TENM3: variants seen among roughly 807,000 people sequenced by gnomAD.
The protein encoded by TENM3 is teneurin-3.
In TENM3, 63 loss-of-function variants were observed where a neutral mutation model predicts 255.1. The observed-to-expected ratio is 0.25, with a 90% CI of 0.20 to 0.30. The LOEUF (loss-of-function observed/expected upper bound fraction) is 0.30. TENM3 is among the 10% of genes least tolerant of loss of function. The pLI is 1.00. For missense variants in TENM3, 2,929 were observed against 3,461.1 expected (o/e 0.85, Z 3.86); for synonymous variants, 1,306 against 1,322.3 (o/e 0.99, Z 0.27).
chr4:181,830,794 C>A, the TENM3 span, among the ~76,000 whole-genome samples: 2 of 152,258 alleles, frequency 1.3e-5, no homozygotes, highest in East Asian at 3.9e-4. Flanking sequence ...CCTGGAGAGT[C>A]TCCTGTCCAG....
At chr4:182,015,952 A>G in the TENM3 span, among the ~76,000 whole-genome samples, 7 of 152,312 alleles carry the variant, frequency 4.6e-5, no homozygotes, top group East Asian at 1.2e-3. Context: ...TTAAAAGTCT[A>G]TTAACATAAA....
intron 1 of TENM3, among the ~76,000 whole-genome samples, chr4:182,209,115 G>A (rs530366502): frequency 6.1e-4 from 92 of 151,994 alleles, no homozygotes; most frequent in African/African-American, 2.1e-3. Context: ...TTACAGGTGC[G>A]CGGCACCATG....
chr4:181,800,512 A>C, the TENM3 span, among the ~76,000 whole-genome samples: 1 of 152,146 alleles, frequency 6.6e-6, no homozygotes, highest in Non-Finnish European at 1.5e-5. Context: ...AGACACGTGG[A>C]ATCCCAGCTA....
At chr4:181,555,873 C>A in the TENM3 span, among the ~76,000 whole-genome samples, 1 of 152,192 alleles carries the variant, frequency 6.6e-6, no homozygotes, top group South Asian at 2.1e-4. Flanking sequence ...GGTGACCACA[C>A]TTAAATGCAA....
the TENM3 span, among the ~76,000 whole-genome samples, chr4:181,576,711 G>T: frequency 4.0e-5 from 6 of 151,606 alleles, no homozygotes; most frequent in South Asian, 2.1e-4. Flanking sequence ...ACTATTAAGC[G>T]CCTGAGGAAG....
the TENM3 span, among the ~76,000 whole-genome samples, chr4:181,972,067 G>T: frequency 6.6e-6 from 1 of 151,678 alleles, no homozygotes; most frequent in Non-Finnish European, 1.5e-5. Context: ...TGAGATAAAA[G>T]GTATGGGAAA....
chr4:182,692,418 T>C (rs1489589150), intron 12 of TENM3, among the ~76,000 whole-genome samples: 3 of 149,682 alleles, frequency 2.0e-5, no homozygotes, highest in African/African-American at 7.6e-5. Flanking sequence ...GTTGAAGAGG[T>C]TTACCCCAGA....
chr4:181,578,505 C>A, the TENM3 span, among the ~76,000 whole-genome samples: 1 of 152,144 alleles, frequency 6.6e-6, no homozygotes, highest in Non-Finnish European at 1.5e-5. Context: ...CTGCCCGCTG[C>A]GGAGAGGCAC....
the TENM3 span, among the ~76,000 whole-genome samples, chr4:182,041,180 CTGTG>C: frequency 6.6e-6 from 1 of 151,910 alleles, no homozygotes; most frequent in African/African-American, 2.4e-5. Context: ...CTATCTCGTG[CTGTG>C]TGTGTGTCGT....
At chr4:182,084,264 C>T in the TENM3 span, among the ~76,000 whole-genome samples, 3 of 152,092 alleles carry the variant, frequency 2.0e-5, no homozygotes, top group East Asian at 1.9e-4. Flanking sequence ...TGAAAGGTCC[C>T]GTCCAATCCT....
At chr4:181,493,366 C>CA in the TENM3 span, among the ~76,000 whole-genome samples, 1 of 149,616 alleles carries the variant, frequency 6.7e-6, no homozygotes, top group African/African-American at 2.5e-5. Flanking sequence ...TAAGGTAACA[C>CA]AAAAATGATA....
At chr4:182,379,952 T>A (rs1288979943) in intron 3 of TENM3, among the ~76,000 whole-genome samples, 1 of 152,016 alleles carries the variant, frequency 6.6e-6, no homozygotes, top group Non-Finnish European at 1.5e-5. Context: ...GGCTAGCTAT[T>A]TCAACAACAA....
At chr4:181,754,371 G>A in the TENM3 span, among the ~76,000 whole-genome samples, 2,267 of 151,352 alleles carry the variant, frequency 0.015, 66 homozygotes, top group African/African-American at 0.053. Flanking sequence ...ACAATAGGGA[G>A]AAAAAGACAG....
chr4:181,992,265 A>G, the TENM3 span, among the ~76,000 whole-genome samples: 1 of 152,186 alleles, frequency 6.6e-6, no homozygotes, highest in Non-Finnish European at 1.5e-5. Flanking sequence ...ACCCTTTCAA[A>G]CAGCATGTTT....
intron 4 of TENM3, among the ~76,000 whole-genome samples, chr4:182,623,261 T>TC (rs1750471875): frequency 6.6e-6 from 1 of 151,720 alleles, no homozygotes; most frequent in Non-Finnish European, 1.5e-5. Flanking sequence ...GATCCACCTG[T>TC]CCCCGCCTCC....
rs544859891 is a variant in TENM3, at chr4:182,358,034, G to T, written c.511+11105G>T. On this transcript the variant is annotated intron_variant, in intron 3 of 27. Coordinates refer to ENST00000511685, the MANE Select transcript of TENM3 (RefSeq NM_001080477.4). ...TCAAAGATCAGATAGTTGTAGATAT[G>T]CGGCGTTATTTCTGAGGGCTCTGTT... Among the ~76,000 whole-genome samples, 256 of 149,696 alleles carry T rather than the reference G, an allele frequency of 1.7e-3. 1 individual carries two copies. Among genetic ancestry groups the T allele is most frequent in the East Asian group, 7.7e-3 (39 of 5,094 alleles).
At chr4:182,427,899 A>T (rs946556817) in intron 3 of TENM3, among the ~76,000 whole-genome samples, 3 of 151,954 alleles carry the variant, frequency 2.0e-5, no homozygotes, top group Admixed American at 2.0e-4. Flanking sequence ...TGTGTACATG[A>T]GAAGTGACTT....
the TENM3 span, among the ~76,000 whole-genome samples, chr4:181,804,854 A>G: frequency 6.6e-6 from 1 of 152,018 alleles, no homozygotes; most frequent in Non-Finnish European, 1.5e-5. Flanking sequence ...TTCTGGAGGA[A>G]AAAAAGGAGG....
the TENM3 span, among the ~76,000 whole-genome samples, chr4:181,664,115 C>T: frequency 2.0e-5 from 3 of 152,106 alleles, 1 homozygote; most frequent in South Asian, 6.2e-4. Flanking sequence ...CTGAATGATC[C>T]AGGCAAGCTT....
Sources: allele counts gnomAD v4.1 joint callset (sites outside exome capture counted in the v4.1 genomes callset), GRCh38; gene constraint gnomAD v4.1.1; transcripts MANE v1.5; gene names NCBI Gene and HGNC (gene_info 2026-07-23, HGNC 2026-07-21).